LURAP1L: variants seen among roughly 807,000 people sequenced by gnomAD.
The protein encoded by LURAP1L is leucine rich adaptor protein 1-like.
In LURAP1L, 12 loss-of-function variants were observed where a neutral mutation model predicts 13.8. The ratio of observed to expected loss-of-function variants is 0.87; its 90% CI spans 0.56 to 1.41. The LOEUF (loss-of-function observed/expected upper bound fraction) is 1.41, where lower values mean the gene tolerates loss of function less well. Among genes scored for constraint, LURAP1L ranks in the 40% most tolerant of loss-of-function variants. The probability of loss-of-function intolerance (pLI) is 0.00; values close to 1 mark genes in which losing one functional copy is unlikely to be tolerated. For missense variants in LURAP1L, 375 were observed against 292.9 expected, an observed-to-expected ratio of 1.28 and a Z score of -2.04; for synonymous variants, 139 against 119.2, an observed-to-expected ratio of 1.17 and a Z score of -1.08.
intron 1 of LURAP1L, among the ~76,000 whole-genome samples, chr9:12,781,006 T>C (rs570620724): frequency 6.6e-6 from 1 of 152,280 alleles, no homozygotes; most frequent in East Asian, 1.9e-4. Context: ...AGTTTCGCTC[T>C]TGTTGCCCAG....
At chr9:12,793,410 T>C (rs138804463) in intron 1 of LURAP1L, among the ~76,000 whole-genome samples, 1 of 152,222 alleles carries the variant, frequency 6.6e-6, no homozygotes, top group Non-Finnish European at 1.5e-5. Context: ...TGTCCATGAC[T>C]TAACCTTATA....
intron 1 of LURAP1L, among the ~76,000 whole-genome samples, chr9:12,777,773 C>A (rs775396635): frequency 3.3e-5 from 5 of 152,144 alleles, no homozygotes; most frequent in Non-Finnish European, 5.9e-5. Flanking sequence ...TAATTACGTT[C>A]CACTTAGGAT....
rs1819879657 is a variant in LURAP1L, at chr9:12,821,497, G to A, written c.424G>A (p.Gly142Ser). Reference sequence around the variant, plus strand: ...AGAAAAAGCCACCATTACCAGCAGAGGCAGCAGCCTCAGTGGCAGCCTGTG... The same window carrying A: ...AGAAAAAGCCACCATTACCAGCAGAAGCAGCAGCCTCAGTGGCAGCCTGTG... ...IEEKATITSR[G>S]SSLSGSLCSL... The change falls in exon 2 of 2, where the codon GGC (glycine) becomes AGC (serine). Residue 142 changes from glycine (G) to serine (S), a missense_variant. Gly to Ser is a moderately conservative substitution (Grantham distance 56). Coordinates refer to ENST00000319264, the MANE Select transcript of LURAP1L (RefSeq NM_203403.2). The A allele has an allele frequency of 1.9e-6, 3 of 1,614,182 alleles. No homozygotes were observed. The highest frequency in any genetic ancestry group is 2.7e-5 in the African/African-American group (2 of 75,034).
At chr9:12,800,889 C>G (rs185943051) in intron 1 of LURAP1L, among the ~76,000 whole-genome samples, 1 of 152,200 alleles carries the variant, frequency 6.6e-6, no homozygotes, top group Admixed American at 6.5e-5. Context: ...CACTTAGTAA[C>G]CGGCAGCACA....
chr9:12,814,979 A>T (rs1054106108), intron 1 of LURAP1L, among the ~76,000 whole-genome samples: 1 of 152,206 alleles, frequency 6.6e-6, no homozygotes, highest in African/African-American at 2.4e-5. Flanking sequence ...CTTTGGTGGA[A>T]GGAACAGCAC....
chr9:12,821,711 C>T lies in LURAP1L; in HGVS notation c.638C>T (p.Ala213Val). The T allele has an allele frequency of 6.2e-7, 1 of 1,614,140 alleles. No homozygotes were observed. The highest frequency in any genetic ancestry group is 8.5e-7 in the Non-Finnish European group (1 of 1,180,010). ...SDSSLIEDSQ[A>V]LHKRPKLDSE... ...AGCTCCCTCATAGAGGACTCACAGG[C>T]ACTACACAAGCGTCCTAAATTGGAT... Residue 213 changes from alanine to valine, a missense_variant, in exon 2 of 2, where the codon GCA becomes GTA. Coordinates refer to ENST00000319264, the MANE Select transcript of LURAP1L (RefSeq NM_203403.2).
At chr9:12,809,032 C>T (rs1429480955) in intron 1 of LURAP1L, among the ~76,000 whole-genome samples, 1 of 152,148 alleles carries the variant, frequency 6.6e-6, no homozygotes, top group Admixed American at 6.5e-5. Context: ...GAAAGGGCAG[C>T]TAGCATATCA....
chr9:12,803,822 T>A (rs1463727576), intron 1 of LURAP1L, among the ~76,000 whole-genome samples: 1 of 152,202 alleles, frequency 6.6e-6, no homozygotes, highest in East Asian at 1.9e-4. Context: ...AGATAAAGCA[T>A]AAAAATTTAG....
chr9:12,782,693 G>C (rs1157253946), intron 1 of LURAP1L, among the ~76,000 whole-genome samples: 3 of 151,972 alleles, frequency 2.0e-5, no homozygotes, highest in Non-Finnish European at 4.4e-5. Flanking sequence ...GGATGACTTT[G>C]GCTATTCAGG....
chr9:12,793,071 T>A (rs1271380527), intron 1 of LURAP1L, among the ~76,000 whole-genome samples: 2 of 152,040 alleles, frequency 1.3e-5, no homozygotes, highest in African/African-American at 4.8e-5. Flanking sequence ...ACTGGGCCCA[T>A]GCTGATTAAC....
At chr9:12,814,193 A>C (rs1401894867) in intron 1 of LURAP1L, 1 of 152,192 alleles carries the variant, frequency 6.6e-6, no homozygotes, top group African/African-American at 2.4e-5. Context: ...AACTGTGGCC[A>C]CTACAGATCA....
At chr9:12,800,816 C>T (rs1329762279) in intron 1 of LURAP1L, among the ~76,000 whole-genome samples, 3 of 152,110 alleles carry the variant, frequency 2.0e-5, no homozygotes, top group Non-Finnish European at 4.4e-5. Flanking sequence ...CTGAACAAAA[C>T]TCTTTTAAAT....
intron 1 of LURAP1L, among the ~76,000 whole-genome samples, chr9:12,791,995 G>T (rs767609969): frequency 3.9e-5 from 6 of 152,114 alleles, no homozygotes; most frequent in Non-Finnish European, 8.8e-5. Flanking sequence ...CCTGAGGCCA[G>T]TATTCAGGTA....
intron 1 of LURAP1L, among the ~76,000 whole-genome samples, chr9:12,788,296 T>A (rs985673536): frequency 2.0e-5 from 3 of 152,144 alleles, no homozygotes; most frequent in African/African-American, 7.2e-5. Flanking sequence ...AAAAGAATGA[T>A]GATGCCTTGC....
At chr9:12,792,580 C>A (rs1184762094) in intron 1 of LURAP1L, among the ~76,000 whole-genome samples, 1 of 152,088 alleles carries the variant, frequency 6.6e-6, no homozygotes, top group African/African-American at 2.4e-5. Context: ...TAATGGCCTT[C>A]TCCCTGATGT....
At chr9:12,786,758 T>G (rs1023650792) in intron 1 of LURAP1L, among the ~76,000 whole-genome samples, 7 of 151,446 alleles carry the variant, frequency 4.6e-5, no homozygotes, top group Non-Finnish European at 8.8e-5. Context: ...ATCTCTCAAA[T>G]AGGCTCTTAT....
chr9:12,806,281 T>A (rs1262956897), intron 1 of LURAP1L, among the ~76,000 whole-genome samples: 1 of 152,228 alleles, frequency 6.6e-6, no homozygotes, highest in Non-Finnish European at 1.5e-5. Context: ...TTGTATAGGT[T>A]GTATATTTTC....
Position 12,775,855 on chromosome 9 carries a change from G to A in LURAP1L, c.140G>A (p.Gly47Asp), listed in dbSNP as rs1281170366. Residue 47 changes from glycine to aspartate, a missense_variant, in exon 1 of 2, where the codon GGT (glycine) becomes GAT (aspartate). Physicochemically the swap from Gly to Asp is moderately conservative, Grantham distance 94. Transcript: ENST00000319264. The stretch of plus-strand genomic sequence containing the variant: ...GACAGGGACCCCTGCGGGGGGAGCG[G>A]TGGTGGTGGCGGCGGCGGCGGCGGC... The part of the protein sequence containing the change: ...ERDRDPCGGS[G>D]GGGGGGGGCS... 2 of 1,524,350 alleles carry A rather than the reference G, an allele frequency of 1.3e-6. No individual in the cohort carries two copies. Among genetic ancestry groups the A allele is most frequent in the Admixed American group, 4.3e-5 (2 of 46,886 alleles). The allele number at this position is 1,524,350 out of a possible 1,614,324, so 94.4% of individuals were successfully genotyped here.
intron 1 of LURAP1L, chr9:12,777,478 G>T (rs1480141483): frequency 2.0e-6 from 2 of 985,230 alleles, no homozygotes; most frequent in Non-Finnish European, 2.4e-6. Flanking sequence ...AAGACATCAA[G>T]GAGATGAGGA....
Sources: gnomAD v4.1 joint callset for allele counts (sites outside exome capture counted in the v4.1 genomes callset) on GRCh38, gnomAD v4.1.1 for gene constraint, MANE v1.5 for transcripts, NCBI Gene and HGNC (gene_info 2026-07-23, HGNC 2026-07-21) for gene names.